Variants in MROH7 observed in about 807,000 individuals in gnomAD.
The protein encoded by MROH7 is maestro heat-like repeat-containing protein family member 7.
In MROH7, 113 loss-of-function variants were observed where a neutral mutation model predicts 129.2. The ratio of observed to expected loss-of-function variants is 0.87; its 90% CI spans 0.75 to 1.02. The LOEUF is 1.02. Ranked by LOEUF, MROH7 falls within the 50% of genes least tolerant of loss-of-function variation. The probability of loss-of-function intolerance (pLI) is 0.00; values close to 1 mark genes in which losing one functional copy is unlikely to be tolerated. For synonymous variants in MROH7, 655 were observed against 667.9 expected, an observed-to-expected ratio of 0.98 and a Z score of 0.30; for missense variants, 1,601 against 1,671.3, an observed-to-expected ratio of 0.96 and a Z score of 0.73.
intron 16 of MROH7, among the ~76,000 whole-genome samples, chr1:54,694,556 T>C (rs534968448): frequency 1.3e-5 from 2 of 152,302 alleles, no homozygotes; most frequent in African/African-American, 4.8e-5. Context: ...AACCTCTGCC[T>C]CCTGGGTTTA....
intron 15 of MROH7, among the ~76,000 whole-genome samples, chr1:54,690,364 G>A (rs1379443216): frequency 6.6e-6 from 1 of 152,066 alleles, no homozygotes; most frequent in East Asian, 1.9e-4. Context: ...TATGAAGCCT[G>A]ATTGAGGGAG....
At chr1:54,685,492 A>G (rs191783756) in intron 14 of MROH7, among the ~76,000 whole-genome samples, 2 of 152,290 alleles carry the variant, frequency 1.3e-5, no homozygotes, top group East Asian at 3.9e-4. Context: ...AGCCAGAATG[A>G]GCCATGAGTC....
chr1:54,695,269 A>G lies in MROH7; in HGVS notation c.2850-107A>G. 3 of 643,768 alleles carry G rather than the reference A, an allele frequency of 4.7e-6. No individual in the cohort carries two copies. The South Asian group carries it at 5.7e-5, about 12-fold the overall frequency. The allele number at this position is 643,768 out of a possible 1,614,324, so 39.9% of individuals were successfully genotyped here. On this transcript the variant is annotated intron_variant, in intron 16 of 23. Transcript: ENST00000421030. ...GAAAATCCTGGGAACGCAGGAATCC[A>G]GGTGATCCTGGCTTACCCAGGATTT...
At chr1:54,666,132 T>C (rs959870753) in intron 4 of MROH7, among the ~76,000 whole-genome samples, 4 of 152,228 alleles carry the variant, frequency 2.6e-5, no homozygotes, top group African/African-American at 9.7e-5. Context: ...CCAGATGATA[T>C]GCACAGCACC....
At position 54,686,441 on chromosome 1, in the gene MROH7, C is replaced by T. The variant is rs1197038001; in HGVS notation, c.2704C>T (p.Pro902Ser). Residue 902 changes from proline (P) to serine (S), a missense_variant, in exon 15 of 24, where the codon CCT (proline) becomes TCT (serine). Physicochemically the swap from Pro to Ser is moderately conservative, Grantham distance 74 (BLOSUM62 -1). Transcript: ENST00000421030. ...KKGAQPSPFV[P>S]VRWVVKVVKT... is the part of the protein sequence containing the mutation. ...GGGTGCACAGCCCTCTCCCTTCGTA[C>T]CTGTGCGGTATGCTCTGCCCTCTCT... 3 of 1,613,862 alleles carry T rather than the reference C, an allele frequency of 1.9e-6. No homozygotes were observed. In the South Asian group the frequency reaches 3.3e-5, roughly 18 times the overall value.
At chr1:54,650,991 C>T (rs949968147) in intron 1 of MROH7, among the ~76,000 whole-genome samples, 4 of 152,194 alleles carry the variant, frequency 2.6e-5, no homozygotes, top group Non-Finnish European at 5.9e-5. Context: ...TTCCAAAGTT[C>T]TGGGATTACA....
chr1:54,687,137 A>G (rs1645161687), intron 15 of MROH7, among the ~76,000 whole-genome samples: 1 of 152,024 alleles, frequency 6.6e-6, no homozygotes, highest in Admixed American at 6.5e-5. Context: ...GCAGTGGCGC[A>G]ATCTCAGCTC....
At chr1:54,679,783 C>T in intron 12 of MROH7, 108 bp from the exon 13 acceptor site, 1 of 1,118,958 alleles carries the variant, frequency 8.9e-7, no homozygotes, top group Admixed American at 2.0e-5. Context: ...TGGGCCTTCT[C>T]CCCTGTCCTC....
At chr1:54,672,126 G>T (rs1185863827) in intron 7 of MROH7, among the ~76,000 whole-genome samples, 1 of 152,146 alleles carries the variant, frequency 6.6e-6, no homozygotes, top group Non-Finnish European at 1.5e-5. Flanking sequence ...CATCCCGGAG[G>T]TGGTGCCCTT....
rs549549156 is a variant in MROH7 at position 54,669,970 on chromosome 1, C to T, written c.1390-527C>T. 2.9e-3 allele frequency among the ~76,000 whole-genome samples: 426 copies of T among 147,506 alleles called. 2 individuals carry two copies. Among genetic ancestry groups the T allele is most frequent in the Non-Finnish European group, 4.5e-3 (303 of 67,508 alleles). ...AGTGAGCCGAGATTGTGCCATTACA[C>T]TCCAATCTGGGTAACAGAGCAAGAC... On this transcript the variant is annotated intron_variant, in intron 5 of 23. Coordinates refer to ENST00000421030, the MANE Select transcript of MROH7 (RefSeq NM_001039464.4).
intron 1 of MROH7, among the ~76,000 whole-genome samples, chr1:54,649,837 G>A (rs1395907510): frequency 6.6e-6 from 1 of 152,244 alleles, no homozygotes; most frequent in African/African-American, 2.4e-5. Context: ...TTATGGACAT[G>A]AAATTAAGTA....
intron 15 of MROH7, among the ~76,000 whole-genome samples, chr1:54,692,220 G>A (rs1489653873): frequency 6.6e-6 from 1 of 152,170 alleles, no homozygotes; most frequent in East Asian, 1.9e-4. Context: ...ATAGGGAGGT[G>A]GACTTTGCTT....
intron 4 of MROH7, among the ~76,000 whole-genome samples, chr1:54,667,645 A>G (rs1644833873): frequency 5.9e-5 from 9 of 151,924 alleles, no homozygotes; most frequent in Admixed American, 5.9e-4. Context: ...TAGTACAGAC[A>G]GGGTTTCATC....
At position 54,660,741 on chromosome 1, in the gene MROH7, G is replaced by A. The variant is rs149800904; in HGVS notation, c.1232-4426G>A. On this transcript the variant is annotated intron_variant, in intron 3 of 23. Coordinates refer to ENST00000421030, the MANE Select transcript of MROH7 (RefSeq NM_001039464.4). ...GAGGCAAGAGAATCACTTGAACCCC[G>A]GAGGTGGAGGTTGCGGTGAGCTGAG... Among the ~76,000 whole-genome samples the A allele has an allele frequency of 7.4e-3, 1,126 of 152,240 alleles. 14 individuals are homozygous for A. The highest frequency in any genetic ancestry group is 0.025 in the African/African-American group (1,021 of 41,550).
At chr1:54,649,757 C>T (rs1171152909) in intron 1 of MROH7, among the ~76,000 whole-genome samples, 11 of 152,166 alleles carry the variant, frequency 7.2e-5, no homozygotes, top group Non-Finnish European at 1.6e-4. Flanking sequence ...GCATGTGGCA[C>T]GTTTACACAC....
intron 15 of MROH7, among the ~76,000 whole-genome samples, chr1:54,688,232 A>AAT (rs1457016827): frequency 7.6e-5 from 10 of 132,278 alleles, no homozygotes; most frequent in Admixed American, 1.5e-4. Flanking sequence ...AAAAAAAAAA[A>AAT]TTTTTTTTTT....
At chr1:54,660,285 C>T (rs1404640422) in intron 3 of MROH7, among the ~76,000 whole-genome samples, 1 of 152,132 alleles carries the variant, frequency 6.6e-6, no homozygotes, top group African/African-American at 2.4e-5. Flanking sequence ...CTGTATGAAG[C>T]CTCTTTTATA....
At chr1:54,687,872 C>CTT (rs35990412) in intron 15 of MROH7, among the ~76,000 whole-genome samples, 3 of 130,242 alleles carry the variant, frequency 2.3e-5, no homozygotes, top group African/African-American at 5.5e-5. Context: ...TTTTTTCTTT[C>CTT]TTTTTTTTTT....
Position 54,701,228 on chromosome 1 carries a change from A to G in MROH7, c.3191A>G (p.Asn1064Ser), listed in dbSNP as rs949224753. Residue 1064 changes from asparagine (N) to serine (S), a missense_variant, in exon 19 of 24, where the codon AAC becomes AGC. By Grantham distance (46) the Asn-to-Ser change is conservative. Coordinates refer to ENST00000421030, the MANE Select transcript of MROH7 (RefSeq NM_001039464.4). ...DGMLVVEAVHNLKAVFKGRDQ... is the reference protein window; with the variant it reads ...DGMLVVEAVHSLKAVFKGRDQ... Reference sequence around the variant, plus strand: ...ATGCTGGTGGTGGAAGCGGTCCACAACCTCAAGGCTGTCTTCAAGGGGCGG... The same window carrying G: ...ATGCTGGTGGTGGAAGCGGTCCACAGCCTCAAGGCTGTCTTCAAGGGGCGG... 1.2e-6 allele frequency: 2 copies of G among 1,614,122 alleles called. No homozygotes were observed. Among genetic ancestry groups the G allele is most frequent in the East Asian group, 2.2e-5 (1 of 44,882 alleles).
Sources: allele counts gnomAD v4.1 joint callset (sites outside exome capture counted in the v4.1 genomes callset), GRCh38; gene constraint gnomAD v4.1.1; transcripts MANE v1.5; gene names NCBI Gene and HGNC (gene_info 2026-07-23, HGNC 2026-07-21).